Variants in SPTBN1 observed in about 807,000 individuals in gnomAD.
The protein encoded by SPTBN1 is spectrin beta chain, non-erythrocytic 1.
A neutral mutation model predicts 266.4 loss-of-function variants in SPTBN1; 32 were observed. That is an observed-to-expected ratio of 0.12 (90% confidence interval 0.09 to 0.16). The LOEUF (loss-of-function observed/expected upper bound fraction) is 0.16. Ranked by LOEUF, SPTBN1 falls within the 10% of genes least tolerant of loss-of-function variation. The pLI, the probability that SPTBN1 is intolerant of heterozygous loss-of-function variation, is 1.00. For synonymous variants in SPTBN1, 1,336 were observed against 1,162.2 expected (o/e 1.15, Z -3.04); for missense variants, 2,296 against 3,067.1 (o/e 0.75, Z 5.94).
Position 54,558,378 on chromosome 2 carries a change from C to G in SPTBN1, c.148+31812C>G, listed in dbSNP as rs1673023833. 1 of 1,002,050 alleles carries G rather than the reference C, an allele frequency of 1.0e-6. No homozygotes were observed. Among genetic ancestry groups the G allele is most frequent in the Non-Finnish European group, 1.2e-6 (1 of 841,108 alleles). The allele number at this position is 1,002,050 out of a possible 1,614,324, so 62.1% of individuals were successfully genotyped here. A position where few individuals can be genotyped will look rare whatever the true frequency, so the allele number is the denominator to read the frequency against. Reference sequence around the variant, plus strand: ...TAAAATTACAAACCGGCGGCCGCCGCGGGCAGCTGGGAGGAGGTGTGCGCG... The same window carrying G: ...TAAAATTACAAACCGGCGGCCGCCGGGGGCAGCTGGGAGGAGGTGTGCGCG... On this transcript the variant is annotated intron_variant, in intron 2 of 35. Transcript: ENST00000356805. The surrounding 1 kb of genome is among the most constrained non-coding windows in gnomAD (Gnocchi z 4.6).
intron 3 of SPTBN1, among the ~76,000 whole-genome samples, chr2:54,606,428 C>G (rs867083174): frequency 8.5e-5 from 13 of 152,240 alleles, no homozygotes; most frequent in African/African-American, 2.6e-4. Flanking sequence ...GCACATGTAG[C>G]TGGACCACTC....
chr2:54,469,573 C>A (rs4671939), intron 1 of SPTBN1, among the ~76,000 whole-genome samples: 79,213 of 151,984 alleles, frequency 0.52, 20,904 homozygotes, highest in African/African-American at 0.56. Flanking sequence ...CTGCCTGAAG[C>A]CTGGTGTAGG....
At position 54,628,392 on chromosome 2, in the gene SPTBN1, C is replaced by T; in HGVS notation, c.1798+142C>T. 1 of 1,044,604 alleles carries T rather than the reference C, an allele frequency of 9.6e-7. No homozygotes were observed. The highest frequency in any genetic ancestry group is 1.3e-6 in the Non-Finnish European group (1 of 766,016). The allele number at this position is 1,044,604 out of a possible 1,614,324, so 64.7% of individuals were successfully genotyped here. ...GGGAGCATGAAATACGGTGGAGTGG[C>T]CTTCTGAACACTAACTCCATCTTGT... On this transcript the variant is annotated intron_variant, in intron 13 of 35. Coordinates refer to ENST00000356805, the MANE Select transcript of SPTBN1 (RefSeq NM_003128.3). The surrounding 1 kb of genome is among the most constrained non-coding windows in gnomAD (Gnocchi z 4.3).
At chr2:54,538,455 C>T (rs1671744267) in intron 2 of SPTBN1, among the ~76,000 whole-genome samples, 1 of 152,200 alleles carries the variant, frequency 6.6e-6, no homozygotes, top group South Asian at 2.1e-4. Flanking sequence ...CATGTAACCT[C>T]TTTTGGGGAA....
chr2:54,649,113 G>C lies in SPTBN1; in HGVS notation c.5125G>C (p.Asp1709His). ...RLFQLNREVD[D>H]LEQWIAEREV... ...ATTCCAGCTCAACCGGGAGGTGGAC[G>C]ACCTGGAGCAGTGGATCGCTGAGAG... is the stretch of plus-strand genomic sequence containing the variant. Residue 1709 changes from aspartate to histidine, a missense_variant, in exon 25 of 36, where the codon GAC becomes CAC. Around this residue, in one of 12 missense-constraint regions of SPTBN1, gnomAD observed 644 missense variants for 745.3 expected, o/e 0.86. Coordinates refer to ENST00000356805, the MANE Select transcript of SPTBN1 (RefSeq NM_003128.3). This position sits in a 1 kb window ranked among gnomAD's most constrained non-coding sequence, Gnocchi z 6.7. The C allele has an allele frequency of 1.2e-6, 2 of 1,613,992 alleles. No individual in the cohort carries two copies. The highest frequency in any genetic ancestry group is 1.7e-6 in the Non-Finnish European group (2 of 1,179,894).
At chr2:54,583,532 A>C (rs541776834) in intron 2 of SPTBN1, among the ~76,000 whole-genome samples, 7 of 152,258 alleles carry the variant, frequency 4.6e-5, no homozygotes, top group African/African-American at 1.7e-4. Flanking sequence ...ACATGGTTTG[A>C]AAACTACTCC....
chr2:54,645,537 CCT>C lies in SPTBN1; in HGVS notation c.4494+86_4494+87del. The stretch of plus-strand genomic sequence containing the variant: ...GCCCACATTCTCACTTCTCAGTCAT[CCT>C]CACCTTGGGCCACGTTGGCAAGCTG... On this transcript the variant is annotated intron_variant, in intron 21 of 35. Coordinates refer to ENST00000356805, the MANE Select transcript of SPTBN1 (RefSeq NM_003128.3). This position sits in a 1 kb window ranked among gnomAD's most constrained non-coding sequence, Gnocchi z 4.3. 1 of 1,452,406 alleles carries C rather than the reference CCT, an allele frequency of 6.9e-7. No homozygotes were observed. Among genetic ancestry groups the C allele is most frequent in the Non-Finnish European group, 9.4e-7 (1 of 1,066,528 alleles). 90.0% of individuals were successfully genotyped at this position (1,452,406 alleles called of 1,614,324 possible). A position where few individuals can be genotyped will look rare whatever the true frequency, so the allele number is the denominator to read the frequency against.
chr2:54,638,984 A>C (rs189161880), intron 18 of SPTBN1, among the ~76,000 whole-genome samples: 3 of 152,360 alleles, frequency 2.0e-5, no homozygotes, highest in Admixed American at 2.0e-4. Context: ...TCTTGCAGCA[A>C]AACCTTAAGA....
intron 34 of SPTBN1, 145 bp downstream of exon 34, chr2:54,666,233 G>A: frequency 1.1e-6 from 1 of 891,006 alleles, no homozygotes. Context: ...AACCAGTTTG[G>A]CACGTGTCTC....
intron 1 of SPTBN1, among the ~76,000 whole-genome samples, chr2:54,464,509 G>C (rs1054717725): frequency 6.6e-6 from 1 of 152,208 alleles, no homozygotes; most frequent in Non-Finnish European, 1.5e-5. Flanking sequence ...GTTTGCTTTG[G>C]ATGGTAGGTT....
intron 7 of SPTBN1, among the ~76,000 whole-genome samples, chr2:54,621,093 G>A (rs377026918): frequency 1.3e-5 from 2 of 152,168 alleles, no homozygotes; most frequent in Non-Finnish European, 2.9e-5. Flanking sequence ...GACAGGGGGC[G>A]GTGCTGGTCC....
At chr2:54,635,170 C>CT (rs1252978721) in intron 17 of SPTBN1, among the ~76,000 whole-genome samples, 2 of 152,170 alleles carry the variant, frequency 1.3e-5, no homozygotes, top group Non-Finnish European at 2.9e-5. Context: ...GAAAAGCACT[C>CT]TTTAAGACTG....
intron 10 of SPTBN1, 98 bp downstream of exon 10, chr2:54,623,694 G>T: frequency 1.0e-6 from 1 of 983,950 alleles, no homozygotes; most frequent in Non-Finnish European, 1.5e-6. Flanking sequence ...GACTGGAAGG[G>T]GCTGTCCCCA....
At chr2:54,592,079 A>G (rs1297692409) in intron 2 of SPTBN1, among the ~76,000 whole-genome samples, 1 of 152,150 alleles carries the variant, frequency 6.6e-6, no homozygotes, top group Non-Finnish European at 1.5e-5. Flanking sequence ...AGGTGGGAAG[A>G]TTGCTTCAGC....
At chr2:54,539,039 C>G (rs1162270545) in intron 2 of SPTBN1, among the ~76,000 whole-genome samples, 1 of 152,202 alleles carries the variant, frequency 6.6e-6, no homozygotes, top group Non-Finnish European at 1.5e-5. Context: ...CTTCAAGAAA[C>G]TTCCTTGGCC....
chr2:54,636,058 A>G (rs561054640), intron 17 of SPTBN1, among the ~76,000 whole-genome samples: 4 of 152,314 alleles, frequency 2.6e-5, no homozygotes, highest in African/African-American at 9.6e-5. Flanking sequence ...TTTCAAGGGG[A>G]AAACTACTGC....
chr2:54,588,386 G>A (rs900414758), intron 2 of SPTBN1, among the ~76,000 whole-genome samples: 1 of 152,124 alleles, frequency 6.6e-6, no homozygotes, highest in Non-Finnish European at 1.5e-5. Context: ...GTGATGTCTT[G>A]TTTTCCTCAG....
intron 2 of SPTBN1, among the ~76,000 whole-genome samples, chr2:54,539,192 A>G (rs569564266): frequency 6.6e-5 from 10 of 152,276 alleles, no homozygotes; most frequent in African/African-American, 2.2e-4. Context: ...CACATTCCCT[A>G]CAAGCACCTC....
intron 2 of SPTBN1, among the ~76,000 whole-genome samples, chr2:54,594,682 C>A (rs1421325324): frequency 6.6e-6 from 1 of 152,096 alleles, no homozygotes; most frequent in Non-Finnish European, 1.5e-5. Flanking sequence ...AACCTTCTGC[C>A]ACACACACAT....
Sources: gnomAD v4.1 joint callset for allele counts (sites outside exome capture counted in the v4.1 genomes callset) on GRCh38, gnomAD v4.1.1 for gene constraint, gnomAD v4.1.1 regional missense constraint, Gnocchi (gnomAD v3.1) non-coding constraint, MANE v1.5 for transcripts, NCBI Gene and HGNC (gene_info 2026-07-23, HGNC 2026-07-21) for gene names.